The following SLC16A14 variants were observed in gnomAD, a reference collection of about 807,000 sequenced individuals.
SLC16A14 encodes solute carrier family 16 member 14.
SLC16A14 carries 14 observed loss-of-function variants against 35.8 expected under a neutral mutation model. That is an observed-to-expected ratio of 0.39 (90% CI 0.26 to 0.61). The LOEUF (loss-of-function observed/expected upper bound fraction) is 0.61. SLC16A14 is among the 20% of genes least tolerant of loss of function. SLC16A14 has a pLI of 0.51. For missense variants in SLC16A14, 533 were observed against 655.0 expected (o/e 0.81, Z 2.03); for synonymous variants, 248 against 258.9 (o/e 0.96, Z 0.40).
Position 230,046,676 on chromosome 2 carries a change from GCCC to G in SLC16A14, c.447_449del (p.Gly150del). 1 of 1,602,152 alleles carries G rather than the reference GCCC, an allele frequency of 6.2e-7. No individual in the cohort carries two copies. The highest frequency in any genetic ancestry group is 8.5e-7 in the Non-Finnish European group (1 of 1,179,956). The stretch of plus-strand genomic sequence containing the variant: ...GGGCGCGTCTCTTCTGGAAATACCT[GCCC>G]ACCATGACCACCGCTGGCAGGTAGG... On this transcript the variant is annotated inframe_deletion, in exon 4 of 5. Transcript: ENST00000295190. The surrounding 1 kb of genome is among the most constrained non-coding windows in gnomAD (Gnocchi z 5.0).
At position 230,046,233 on chromosome 2, in the gene SLC16A14, T is replaced by C; in HGVS notation, c.893A>G (p.Glu298Gly). The change falls in exon 4 of 5, where the codon GAG becomes GGG. Residue 298 changes from glutamate (E) to glycine (G), a missense_variant. Transcript: ENST00000295190. This position sits in a 1 kb window ranked among gnomAD's most constrained non-coding sequence, Gnocchi z 5.0. ...CCCAAAGTAGCCCGAATACCAGTCC[T>C]CGAAGCCCTTCCTGACTCTCATGGT... ...WLTMRVRKGF[E>G]DWYSGYFGTA... 1 of 1,614,230 alleles carries C rather than the reference T, an allele frequency of 6.2e-7. No homozygotes were observed. The highest frequency in any genetic ancestry group is 8.5e-7 in the Non-Finnish European group (1 of 1,180,034).
intron 2 of SLC16A14, among the ~76,000 whole-genome samples, chr2:230,050,761 A>T (rs1429952024): frequency 6.6e-6 from 1 of 152,206 alleles, no homozygotes; most frequent in Non-Finnish European, 1.5e-5. Flanking sequence ...TTTACTGAGC[A>T]CTTTGCTAAG....
chr2:230,038,925 A>C lies in SLC16A14; in HGVS notation c.1382-1394T>G, dbSNP rs2077538439. 6.6e-6 allele frequency among the ~76,000 whole-genome samples: 1 copy of C among 152,132 alleles called. No individual in the cohort carries two copies. The highest frequency in any genetic ancestry group is 1.5e-5 in the Non-Finnish European group (1 of 68,044). On this transcript the variant is annotated intron_variant, in intron 4 of 4. Transcript: ENST00000295190. This position sits in a 1 kb window ranked among gnomAD's most constrained non-coding sequence, Gnocchi z 4.4. ...CCATCTCAAAAAATAAAATGAAATA[A>C]AAAAATAAGATTTTATGATCAAACA...
At chr2:230,037,648 T>TTATTGGTATGAAATGA in intron 4 of SLC16A14, 117 bp from the exon 5 acceptor site, 1 of 792,034 alleles carries the variant, frequency 1.3e-6, no homozygotes, top group Non-Finnish European at 1.9e-6. Context: ...ATATGTCATT[T>TTATTGGTATGAAATGA]CATACCAATA....
chr2:230,059,059 G>T (rs773830242), intron 2 of SLC16A14, 35 bp downstream of exon 2: 12 of 1,536,248 alleles, frequency 7.8e-6, no homozygotes, highest in Non-Finnish European at 9.7e-6. Context: ...ATTTGATAAC[G>T]ATTCAGTTTT....
chr2:230,063,436 T>A (rs1402999616), intron 1 of SLC16A14, among the ~76,000 whole-genome samples: 1 of 152,110 alleles, frequency 6.6e-6, no homozygotes, highest in Admixed American at 6.6e-5. Context: ...TCACCTCTTC[T>A]GTTGATCCTT....
At chr2:230,040,642 A>T (rs1263835814) in intron 4 of SLC16A14, among the ~76,000 whole-genome samples, 1 of 150,828 alleles carries the variant, frequency 6.6e-6, no homozygotes, top group African/African-American at 2.4e-5. Context: ...AGTTTTTTTT[A>T]AAAAAAGCAC....
chr2:230,052,168 C>A (rs186874651), intron 2 of SLC16A14, among the ~76,000 whole-genome samples: 9,635 of 152,248 alleles, frequency 0.063, 383 homozygotes, highest in Middle Eastern at 0.092. Context: ...ATCTCCTGAC[C>A]TCGTGATCCG....
At chr2:230,064,473 G>C (rs1032296517) in intron 1 of SLC16A14, among the ~76,000 whole-genome samples, 2 of 152,158 alleles carry the variant, frequency 1.3e-5, no homozygotes, top group African/African-American at 4.8e-5. Flanking sequence ...GCCCAGAGAG[G>C]GTTCAGAAGG....
At chr2:230,042,211 C>G (rs754419322) in intron 4 of SLC16A14, among the ~76,000 whole-genome samples, 6 of 152,188 alleles carry the variant, frequency 3.9e-5, no homozygotes, top group Non-Finnish European at 7.3e-5. Flanking sequence ...GATCCCATTC[C>G]ACTACAGAAT....
rs534988510 is a variant in SLC16A14 at position 230,051,708 on chromosome 2, C to T, written c.260-1804G>A. Among the ~76,000 whole-genome samples the T allele has an allele frequency of 1.3e-3, 196 of 152,262 alleles. 1 individual carries two copies. Among genetic ancestry groups the T allele is most frequent in the Non-Finnish European group, 2.1e-3 (142 of 68,030 alleles). The stretch of plus-strand genomic sequence containing the variant: ...CTATATTAAAAACTTGTTTAAAGAG[C>T]TTCCCTTTTGGCTTAAACTGAAATA... On this transcript the variant is annotated intron_variant, in intron 2 of 4. Transcript: ENST00000295190.
intron 1 of SLC16A14, 87 bp from the exon 2 acceptor site, chr2:230,059,453 G>A (rs1368403737): frequency 2.0e-6 from 2 of 1,001,820 alleles, no homozygotes; most frequent in East Asian, 2.6e-5. Flanking sequence ...TCCCCATCAG[G>A]GTCAAAGTGG....
intron 2 of SLC16A14, among the ~76,000 whole-genome samples, chr2:230,052,647 ACT>A (rs1484324847): frequency 6.6e-6 from 1 of 152,122 alleles, no homozygotes; most frequent in African/African-American, 2.4e-5. Flanking sequence ...AAAATTCCAA[ACT>A]CAGTGCAAAT....
chr2:230,042,251 C>T (rs1449392489), intron 4 of SLC16A14, among the ~76,000 whole-genome samples: 1 of 152,170 alleles, frequency 6.6e-6, no homozygotes, highest in Non-Finnish European at 1.5e-5. Context: ...TTGAAGCAGT[C>T]AAGAGATAAG....
intron 3 of SLC16A14, among the ~76,000 whole-genome samples, chr2:230,047,524 C>T (rs1281184559): frequency 1.3e-5 from 2 of 152,098 alleles, no homozygotes; most frequent in Non-Finnish European, 2.9e-5. Flanking sequence ...AAGCTGGTCT[C>T]AAACTCCTGG....
intron 1 of SLC16A14, among the ~76,000 whole-genome samples, chr2:230,062,754 T>C (rs1226342544): frequency 6.6e-6 from 1 of 152,128 alleles, no homozygotes; most frequent in Non-Finnish European, 1.5e-5. Flanking sequence ...GATCCAAGGG[T>C]ACCAGTGGAG....
chr2:230,044,347 G>A (rs530851504), intron 4 of SLC16A14, among the ~76,000 whole-genome samples: 57 of 151,782 alleles, frequency 3.8e-4, no homozygotes, highest in African/African-American at 1.1e-3. Flanking sequence ...GCATGGTGGC[G>A]CACACCTGTA....
intron 4 of SLC16A14, 178 bp downstream of exon 4, chr2:230,045,567 A>C (rs1041484923): frequency 2.2e-5 from 17 of 758,376 alleles, no homozygotes; most frequent in Middle Eastern, 2.6e-4. Context: ...CTTGAAAAAA[A>C]AAAAGAAAGA....
In SLC16A14 at chr2:230,059,144, C is replaced by G; in HGVS notation, c.209G>C (p.Gly70Ala). 1.9e-6 allele frequency: 3 copies of G among 1,614,134 alleles called. No individual in the cohort carries two copies. The highest frequency in any genetic ancestry group is 2.5e-6 in the Non-Finnish European group (3 of 1,180,026). The change falls in exon 2 of 5, where the codon GGC (glycine) becomes GCC (alanine). Residue 70 changes from glycine to alanine, a missense_variant. Transcript: ENST00000295190. The stretch of plus-strand genomic sequence containing the variant: ...GAGGGAGCTGACCCAGGCGGTCAGG[C>G]CGCGGCTCTGGTGGAATTCTTCCAG... Reference protein sequence around the residue: ...EWLEEFHQSRGLTAWVSSLSM... With the variant: ...EWLEEFHQSRALTAWVSSLSM...
Sources: gnomAD v4.1 joint callset for allele counts (sites outside exome capture counted in the v4.1 genomes callset) on GRCh38, gnomAD v4.1.1 for gene constraint, Gnocchi (gnomAD v3.1) non-coding constraint, MANE v1.5 for transcripts, NCBI Gene and HGNC (gene_info 2026-07-23, HGNC 2026-07-21) for gene names.